PNPLA6: variants seen among roughly 807,000 people sequenced by gnomAD.
PNPLA6 encodes the protein patatin-like phospholipase domain-containing protein 6.
PNPLA6 carries 105 observed loss-of-function variants against 153.7 expected under a neutral mutation model. The observed-to-expected ratio is 0.68, with a 90% CI of 0.58 to 0.80. The LOEUF is 0.80. PNPLA6 is among the 30% of genes least tolerant of loss of function. The pLI is 0.00. For missense variants in PNPLA6, 1,423 were observed against 1,919.3 expected (o/e 0.74, Z 4.83); for synonymous variants, 825 against 822.2 (o/e 1.00, Z -0.06).
At position 7,555,709 on chromosome 19, in the gene PNPLA6, C is replaced by G. The variant is rs2023849509; in HGVS notation, c.3039C>G (p.Tyr1013Ter). The G allele has an allele frequency of 6.2e-7, 1 of 1,613,656 alleles. No homozygotes were observed. Among genetic ancestry groups the G allele is most frequent in the South Asian group, 1.1e-5 (1 of 91,078 alleles). Residue 1013 changes from tyrosine (Y) to a stop codon, truncating the protein, a stop_gained, in exon 24 of 32, where the codon TAC becomes TAG. Transcript: ENST00000600737. LOFTEE classifies it high-confidence loss of function. This position sits in a 1 kb window ranked among gnomAD's most constrained non-coding sequence, Gnocchi z 6.3. ...TSIGSFIGALYAEERSASRTK... is the reference protein window; with the variant it reads ...TSIGSFIGAL ...TTGGCTCTTTCATCGGAGCGTTGTA[C>G]GCGGAGGAGCGCAGCGCCAGCCGCA... is the stretch of plus-strand genomic sequence containing the variant.
intron 2 of PNPLA6, 50 bp from the exon 3 acceptor site, chr19:7,536,399 C>T (rs199601713): frequency 8.2e-6 from 12 of 1,464,468 alleles, no homozygotes; most frequent in Admixed American, 3.4e-5. Context: ...TCTGCCTCTT[C>T]TCCAAGGTCT....
chr19:7,552,387 T>C (rs2432110), intron 18 of PNPLA6, among the ~76,000 whole-genome samples: 65,238 of 151,978 alleles, frequency 0.43, 14,704 homozygotes, highest in South Asian at 0.57. Flanking sequence ...CCTCCAGGGG[T>C]TCTACCCAAT....
At position 7,541,763 on chromosome 19, in the gene PNPLA6, G is replaced by C; in HGVS notation, c.1168+79G>C. ...AGCCGCCAGCCCCTTTTTCAGTTCT[G>C]CATAGAGTCAACCTGACCTTGTCCA... On this transcript the variant is annotated intron_variant, in intron 9 of 31. Coordinates refer to ENST00000600737, the MANE Select transcript of PNPLA6 (RefSeq NM_001166114.2). This position sits in a 1 kb window ranked among gnomAD's most constrained non-coding sequence, Gnocchi z 5.2. The C allele has an allele frequency of 4.8e-6, 7 of 1,466,546 alleles. No homozygotes were observed. The highest frequency in any genetic ancestry group is 6.5e-6 in the Non-Finnish European group (7 of 1,082,402). 90.8% of individuals were successfully genotyped at this position (1,466,546 alleles called of 1,614,324 possible).
chr19:7,547,187 G>T (rs1288606704), intron 13 of PNPLA6, among the ~76,000 whole-genome samples: 1 of 152,176 alleles, frequency 6.6e-6, no homozygotes. Flanking sequence ...TTACAGATGT[G>T]AGCCACCATG....
chr19:7,554,407 AG>A (rs1317822399), intron 20 of PNPLA6, 135 bp downstream of exon 20: 1 of 1,223,382 alleles, frequency 8.2e-7, no homozygotes, highest in Non-Finnish European at 1.2e-6. Context: ...GGAGATTCGC[AG>A]TGGTGTGAAT....
At chr19:7,557,337 C>T in intron 27 of PNPLA6, 53 bp downstream of exon 27, 1 of 1,095,794 alleles carries the variant, frequency 9.1e-7, no homozygotes, top group Non-Finnish European at 1.4e-6. Context: ...GCACCACACA[C>T]ACGCACACGC....
At chr19:7,547,821 T>TAAAA (rs1568413536) in intron 13 of PNPLA6, among the ~76,000 whole-genome samples, 995 of 17,400 alleles carry the variant, frequency 0.057, 98 homozygotes, top group African/African-American at 0.098. Context: ...ATTTTTTTTT[T>TAAAA]TTTTTTTTTT....
chr19:7,543,834 G>A (rs1461677408), intron 13 of PNPLA6, among the ~76,000 whole-genome samples: 1 of 148,084 alleles, frequency 6.8e-6, no homozygotes, highest in East Asian at 2.0e-4. Context: ...TTTTTGAGAC[G>A]GAGTCTCGCT....
Position 7,535,752 on chromosome 19 carries a change from GC to G in PNPLA6, c.-32del. On this transcript the variant is annotated 5_prime_UTR_variant, in exon 1 of 32. Transcript: ENST00000600737. The surrounding 1 kb of genome is among the most constrained non-coding windows in gnomAD (Gnocchi z 5.0). The stretch of plus-strand genomic sequence containing the variant: ...CCGCCGGGCCTCAGGGAAGAGTCGC[GC>G]CCCCGGGGAGGGAGCAGCACTGGCC... 3.9e-6 allele frequency: 6 copies of G among 1,519,052 alleles called. No individual in the cohort carries two copies. Among genetic ancestry groups the G allele is most frequent in the African/African-American group, 1.4e-5 (1 of 72,814 alleles). The allele number at this position is 1,519,052 out of a possible 1,614,324, so 94.1% of individuals were successfully genotyped here. A position where few individuals can be genotyped will look rare whatever the true frequency, so the allele number is the denominator to read the frequency against.
At position 7,541,565 on chromosome 19, in the gene PNPLA6, C is replaced by T. The variant is rs370328961; in HGVS notation, c.1049C>T (p.Thr350Ile). 128 of 1,600,218 alleles carry T rather than the reference C, an allele frequency of 8.0e-5. No individual in the cohort carries two copies. The highest frequency in any genetic ancestry group is 9.4e-5 in the Non-Finnish European group (110 of 1,173,676). Residue 350 changes from threonine (T) to isoleucine (I), a missense_variant, in exon 9 of 32, where the codon ACT becomes ATT. By Grantham distance (89) the Thr-to-Ile change is moderately conservative. Transcript: ENST00000600737. The surrounding 1 kb of genome is among the most constrained non-coding windows in gnomAD (Gnocchi z 5.2). Reference sequence around the variant, plus strand: ...CTGTTCCCCAGCCCCGGCCTCCCAACTCGCACCAGCCCTGTGCGGGGCTCC... The same window carrying T: ...CTGTTCCCCAGCCCCGGCCTCCCAATTCGCACCAGCCCTGTGCGGGGCTCC... ...LRLFPSPGLPTRTSPVRGSKR... is the reference protein window; with the variant it reads ...LRLFPSPGLPIRTSPVRGSKR...
chr19:7,553,708 G>C (rs941434192), intron 18 of PNPLA6, among the ~76,000 whole-genome samples, 167 bp from the exon 19 acceptor site: 16 of 152,218 alleles, frequency 1.1e-4, no homozygotes, highest in African/African-American at 3.9e-4. Flanking sequence ...CCAGAGCCAT[G>C]GCTTTCTGTA....
chr19:7,561,368 TAC>T (rs2024093802), intron 31 of PNPLA6, 51 bp downstream of exon 31: 1 of 1,465,320 alleles, frequency 6.8e-7, no homozygotes. Flanking sequence ...GGGTCATGAG[TAC>T]AGTGTCAGGC....
In PNPLA6 at chr19:7,553,875, G is replaced by T. The variant is rs1325650651; in HGVS notation, c.2261G>T (p.Gly754Val). 6.2e-7 allele frequency: 1 copy of T among 1,614,104 alleles called. No individual in the cohort carries two copies. The highest frequency in any genetic ancestry group is 8.5e-7 in the Non-Finnish European group (1 of 1,180,042). ...NLQQLQGPFP[G>V]SGLGVPPHSE... ...ATCTCATCCATTGGGTTCTTAGCAG[G>T]CTCTGGGTTGGGTGTGCCCCCACAC... is the stretch of plus-strand genomic sequence containing the variant. Residue 754 changes from glycine (G) to valine (V), a missense_variant and splice_region_variant, in exon 19 of 32, where the codon GGC becomes GTC. Coordinates refer to ENST00000600737, the MANE Select transcript of PNPLA6 (RefSeq NM_001166114.2).
chr19:7,560,668 G>A lies in PNPLA6; in HGVS notation c.3720G>A (p.Gly1240=), dbSNP rs1176790466. The A allele has an allele frequency of 4.3e-6, 7 of 1,613,496 alleles. No homozygotes were observed. In the East Asian group the frequency reaches 1.6e-4, roughly 36 times the overall value. ...CACAGGATGTGGGCTACCAGTACGGGAAGGCGGTGTTTGGAGGCTGGAGCC... is the reference window on the plus strand; with the variant it reads ...CACAGGATGTGGGCTACCAGTACGGAAAGGCGGTGTTTGGAGGCTGGAGCC... ...DQIYDVGYQY[G]KAVFGGWSRG... The change falls in exon 29 of 32, where the codon GGG becomes GGA. Residue 1240 remains glycine, a synonymous_variant. Coordinates refer to ENST00000600737, the MANE Select transcript of PNPLA6 (RefSeq NM_001166114.2).
At chr19:7,549,094 C>A (rs1309543892) in intron 13 of PNPLA6, among the ~76,000 whole-genome samples, 1 of 150,198 alleles carries the variant, frequency 6.7e-6, no homozygotes, top group Non-Finnish European at 1.5e-5. Flanking sequence ...TGAGCCATCG[C>A]GCCCGGCTAA....
intron 28 of PNPLA6, 128 bp from the exon 29 acceptor site, chr19:7,560,520 A>T: frequency 1.4e-6 from 1 of 737,870 alleles, no homozygotes; most frequent in Non-Finnish European, 2.5e-6. Flanking sequence ...CTGACTCTGA[A>T]ATAGGTTTAG....
intron 19 of PNPLA6, 51 bp downstream of exon 19, chr19:7,554,066 G>C (rs753372446): frequency 1.9e-6 from 3 of 1,605,470 alleles, no homozygotes; most frequent in Non-Finnish European, 2.6e-6. Flanking sequence ...TGGGACATTA[G>C]TGAGTGAGAG....
chr19:7,542,920 C>T lies in PNPLA6; in HGVS notation c.1522C>T (p.Arg508Trp), dbSNP rs777484615. 3.7e-6 allele frequency: 6 copies of T among 1,613,654 alleles called. No homozygotes were observed. The Admixed American group carries it at 5.0e-5, about 13-fold the overall frequency. The change falls in exon 12 of 32, where the codon CGG becomes TGG. Residue 508 changes from arginine (R) to tryptophan (W), a missense_variant. Transcript: ENST00000600737. ...AAKQELAKLM[R>W]IEDPSLLNSR... ...AAAGCAGGAGCTGGCCAAGCTGATG[C>T]GGATTGAGGTGGGCAGCCGAGGGGA...
chr19:7,536,028 C>A lies in PNPLA6; in HGVS notation c.232+8C>A. 6.4e-7 allele frequency: 1 copy of A among 1,574,410 alleles called. No individual in the cohort carries two copies. The highest frequency in any genetic ancestry group is 8.6e-7 in the Non-Finnish European group (1 of 1,160,826). On this transcript the variant is annotated splice_region_variant and intron_variant, in intron 1 of 31. Coordinates refer to ENST00000600737, the MANE Select transcript of PNPLA6 (RefSeq NM_001166114.2). ...GGAGGCTGCGAGTGCCAAGTGAGCACCCGAGGGGCCCCTCTTGGGAGGCTG... is the reference window on the plus strand; with the variant it reads ...GGAGGCTGCGAGTGCCAAGTGAGCAACCGAGGGGCCCCTCTTGGGAGGCTG...
Sources: gnomAD v4.1 joint callset for allele counts (sites outside exome capture counted in the v4.1 genomes callset) on GRCh38, gnomAD v4.1.1 for gene constraint, Gnocchi (gnomAD v3.1) non-coding constraint, MANE v1.5 for transcripts, NCBI Gene and HGNC (gene_info 2026-07-23, HGNC 2026-07-21) for gene names.